GNG4: variants seen among roughly 807,000 people sequenced by gnomAD.
GNG4 encodes the protein guanine nucleotide-binding protein G(I)/G(S)/G(O) subunit gamma-4.
GNG4 carries 4 observed loss-of-function variants against 5.8 expected under a neutral mutation model. That is an observed-to-expected ratio of 0.69 (90% CI 0.34 to 1.57). The LOEUF (loss-of-function observed/expected upper bound fraction) is 1.57. GNG4 is among the 40% of genes most tolerant of loss of function. The pLI is 0.06. For synonymous variants in GNG4, 29 were observed against 32.9 expected, an observed-to-expected ratio of 0.88 and a Z score of 0.41; for missense variants, 96 against 95.1, an observed-to-expected ratio of 1.01 and a Z score of -0.04.
At chr1:235,601,833 T>C (rs1015403222) in intron 1 of GNG4, among the ~76,000 whole-genome samples, 6 of 152,198 alleles carry the variant, frequency 3.9e-5, no homozygotes, top group African/African-American at 1.4e-4. Flanking sequence ...CACGTGGATG[T>C]GTCTACAGCT....
At chr1:235,630,903 C>CTTT (rs1257976818) in intron 1 of GNG4, among the ~76,000 whole-genome samples, 23 of 145,538 alleles carry the variant, frequency 1.6e-4, no homozygotes, top group African/African-American at 5.8e-4. Flanking sequence ...AGAGACTCTC[C>CTTT]TTTTTTTTTT....
At position 235,642,714 on chromosome 1, in the gene GNG4, T is replaced by C. The variant is rs1657368450; in HGVS notation, c.-123+6948A>G. ...CTCCTACAGAAGGATATTTGTTTTG[T>C]CCTAAACTTGCCGTGTGTTCTTGGA... On this transcript the variant is annotated intron_variant, in intron 1 of 3. Coordinates refer to ENST00000391854, the MANE Select transcript of GNG4 (RefSeq NM_001098722.2). This position sits in a 1 kb window ranked among gnomAD's most constrained non-coding sequence, Gnocchi z 4.3. Among the ~76,000 whole-genome samples the C allele has an allele frequency of 6.6e-6, 1 of 151,992 alleles. No homozygotes were observed. Among genetic ancestry groups the C allele is most frequent in the Non-Finnish European group, 1.5e-5 (1 of 68,010 alleles).
In GNG4 at chr1:235,600,135, G is replaced by A. The variant is rs891291988; in HGVS notation, c.-122-4624C>T. 3.8e-4 allele frequency among the ~76,000 whole-genome samples: 18 copies of A among 46,936 alleles called. 1 individual carries two copies. Among genetic ancestry groups the A allele is most frequent in the Admixed American group, 1.4e-3 (7 of 5,156 alleles). 30.8% of individuals were successfully genotyped at this position (46,936 alleles called of 152,430 possible). A position where few individuals can be genotyped will look rare whatever the true frequency, so the allele number is the denominator to read the frequency against. ...TTTTTTTTTTTTTTTTTTTTAGACAGGCAGAGTCTCACTCTGTCGCCCAGG... is the reference window on the plus strand; with the variant it reads ...TTTTTTTTTTTTTTTTTTTTAGACAAGCAGAGTCTCACTCTGTCGCCCAGG... On this transcript the variant is annotated intron_variant, in intron 1 of 3. Transcript: ENST00000391854.
chr1:235,575,162 T>C (rs961224500), intron 3 of GNG4, among the ~76,000 whole-genome samples: 1 of 152,188 alleles, frequency 6.6e-6, no homozygotes, highest in Admixed American at 6.5e-5. Context: ...CTTTCTGCAC[T>C]ATCGCACTCT....
intron 1 of GNG4, among the ~76,000 whole-genome samples, chr1:235,632,771 C>A (rs1346942644): frequency 6.6e-6 from 1 of 152,060 alleles, no homozygotes; most frequent in African/African-American, 2.4e-5. Flanking sequence ...TGTCATCGGC[C>A]TTTGTTGAGA....
At chr1:235,646,452 TGTGA>T (rs759599082) in intron 1 of GNG4, among the ~76,000 whole-genome samples, 12 of 152,234 alleles carry the variant, frequency 7.9e-5, no homozygotes, top group Non-Finnish European at 1.8e-4. Flanking sequence ...GCAGGTATCC[TGTGA>T]GTATCAAAGG....
chr1:235,618,267 G>T (rs539541623), intron 1 of GNG4, among the ~76,000 whole-genome samples: 1 of 152,336 alleles, frequency 6.6e-6, no homozygotes, highest in Admixed American at 6.5e-5. Flanking sequence ...TCAATCACCT[G>T]TGTAGGTTAC....
At chr1:235,634,804 G>C (rs1271997983) in intron 1 of GNG4, among the ~76,000 whole-genome samples, 2 of 152,084 alleles carry the variant, frequency 1.3e-5, no homozygotes, top group Admixed American at 6.6e-5. Context: ...TTAGCCAGGC[G>C]TGGTGGTGCA....
At chr1:235,600,932 A>G (rs1308922116) in intron 1 of GNG4, among the ~76,000 whole-genome samples, 1 of 152,246 alleles carries the variant, frequency 6.6e-6, no homozygotes, top group Non-Finnish European at 1.5e-5. Context: ...CCCCATTGCC[A>G]AGATAGGGCG....
chr1:235,636,364 C>G lies in GNG4; in HGVS notation c.-123+13298G>C, dbSNP rs74148732. Among the ~76,000 whole-genome samples the G allele has an allele frequency of 4.9e-3, 740 of 152,324 alleles. 5 individuals are homozygous for G. The highest frequency in any genetic ancestry group is 0.016 in the African/African-American group (685 of 41,570). ...TTTGAGGAAGGCTCTTTGGGGGTCT[C>G]AGAAAAGGGGAACCCCAAAGGCACC... On this transcript the variant is annotated intron_variant, in intron 1 of 3. Coordinates refer to ENST00000391854, the MANE Select transcript of GNG4 (RefSeq NM_001098722.2).
At chr1:235,643,952 G>A (rs770425257) in intron 1 of GNG4, among the ~76,000 whole-genome samples, 5 of 152,354 alleles carry the variant, frequency 3.3e-5, no homozygotes, top group Admixed American at 6.5e-5. Context: ...CCAAAAAGGC[G>A]GGGACGCGGC....
intron 1 of GNG4, among the ~76,000 whole-genome samples, chr1:235,601,608 AC>A (rs1387194006): frequency 6.6e-6 from 1 of 152,110 alleles, no homozygotes; most frequent in Non-Finnish European, 1.5e-5. Flanking sequence ...TGTCCACAGA[AC>A]CCATGCTCCC....
In GNG4 at chr1:235,649,189, G is replaced by A. The variant is rs1033703118; in HGVS notation, c.-123+473C>T. 2.0e-5 allele frequency among the ~76,000 whole-genome samples: 3 copies of A among 152,154 alleles called. No individual in the cohort carries two copies. Among genetic ancestry groups the A allele is most frequent in the Non-Finnish European group, 4.4e-5 (3 of 68,026 alleles). ...GGCGTCTGGGCTGCTGGGGAGCCAG[G>A]AGGGCTTCCTCAGGCACTCGCCAGA... On this transcript the variant is annotated intron_variant, in intron 1 of 3. Transcript: ENST00000391854. This position sits in a 1 kb window ranked among gnomAD's most constrained non-coding sequence, Gnocchi z 5.7.
intron 2 of GNG4, among the ~76,000 whole-genome samples, chr1:235,586,884 C>A (rs1351178472): frequency 6.6e-6 from 1 of 152,222 alleles, no homozygotes; most frequent in Non-Finnish European, 1.5e-5. Context: ...TATTCCTTTA[C>A]AGCAACACAA....
At chr1:235,557,744 G>C (rs1283445202) in intron 3 of GNG4, among the ~76,000 whole-genome samples, 1 of 152,160 alleles carries the variant, frequency 6.6e-6, no homozygotes, top group Non-Finnish European at 1.5e-5. Context: ...TGTACATCAT[G>C]ACCAAGCATT....
At chr1:235,587,752 GGTGA>G (rs931871220) in intron 2 of GNG4, among the ~76,000 whole-genome samples, 1 of 51,552 alleles carries the variant, frequency 1.9e-5, no homozygotes, top group African/African-American at 7.1e-5. Context: ...TGGGGGTGAG[GGTGA>G]GTGTGGGAGA....
chr1:235,561,437 G>A (rs1044995154), intron 3 of GNG4, among the ~76,000 whole-genome samples: 5 of 151,430 alleles, frequency 3.3e-5, no homozygotes, highest in Admixed American at 6.6e-5. Flanking sequence ...TTTTCTAGAC[G>A]AGTCTTGCTC....
chr1:235,598,353 TAATCCCAGTGCTTTGGG>T (rs1159218943), intron 1 of GNG4, among the ~76,000 whole-genome samples: 2 of 152,196 alleles, frequency 1.3e-5, no homozygotes, highest in African/African-American at 4.8e-5. Flanking sequence ...CTCACGTCTG[TAATCCCAGTGCTTTGGG>T]AATCTGCAGC....
chr1:235,568,702 G>C (rs1308246217), intron 3 of GNG4, among the ~76,000 whole-genome samples: 2 of 151,968 alleles, frequency 1.3e-5, no homozygotes, highest in East Asian at 3.8e-4. Flanking sequence ...TTGTGGGTGA[G>C]GCACTGTAGT....
Sources: gnomAD v4.1 joint callset for allele counts (sites outside exome capture counted in the v4.1 genomes callset) on GRCh38, gnomAD v4.1.1 for gene constraint, Gnocchi (gnomAD v3.1) non-coding constraint, MANE v1.5 for transcripts, NCBI Gene and HGNC (gene_info 2026-07-23, HGNC 2026-07-21) for gene names.